The following EPHA3 variants were observed in gnomAD, a reference collection of about 807,000 sequenced individuals.
EPHA3 encodes the protein EPH receptor A3, also known as ephrin type-A receptor 3.
In EPHA3, 42 loss-of-function variants were observed where a neutral mutation model predicts 107.1. That is an observed-to-expected ratio of 0.39 (90% CI 0.31 to 0.51). The LOEUF (loss-of-function observed/expected upper bound fraction) is 0.51, where lower values mean the gene tolerates loss of function less well. Ranked by LOEUF, EPHA3 falls within the 20% of genes least tolerant of loss-of-function variation. EPHA3 has a pLI of 0.78. For synonymous variants in EPHA3, 461 were observed against 424.8 expected (o/e 1.09, Z -1.05); for missense variants, 1,183 against 1,211.2 (o/e 0.98, Z 0.35).
At chr3:89,161,564 G>C (rs1273038888) in intron 2 of EPHA3, among the ~76,000 whole-genome samples, 1 of 151,972 alleles carries the variant, frequency 6.6e-6, no homozygotes, top group Non-Finnish European at 1.5e-5. Context: ...GATATACCAT[G>C]ATTTATTTAA....
chr3:89,119,208 T>C (rs1707322580), intron 1 of EPHA3, among the ~76,000 whole-genome samples: 1 of 152,110 alleles, frequency 6.6e-6, no homozygotes, highest in Non-Finnish European at 1.5e-5. Flanking sequence ...TTCTTTACAT[T>C]ACATGTGAGT....
intron 5 of EPHA3, among the ~76,000 whole-genome samples, chr3:89,370,163 A>T (rs1473223316): frequency 6.6e-6 from 1 of 150,946 alleles, no homozygotes; most frequent in Non-Finnish European, 1.5e-5. Flanking sequence ...CTGGGTATAT[A>T]CCCAAAGGAC....
intron 5 of EPHA3, among the ~76,000 whole-genome samples, chr3:89,387,297 A>G (rs1359273105): frequency 1.3e-5 from 2 of 152,152 alleles, no homozygotes; most frequent in Non-Finnish European, 2.9e-5. Flanking sequence ...GGGGACAGTT[A>G]CACTCATGCC....
At chr3:89,296,749 C>T (rs1706363118) in intron 3 of EPHA3, among the ~76,000 whole-genome samples, 1 of 152,172 alleles carries the variant, frequency 6.6e-6, no homozygotes, top group Non-Finnish European at 1.5e-5. Context: ...TCCTCTTTAG[C>T]TGTGAAAGTC....
chr3:89,200,407 C>T (rs1705942871), intron 2 of EPHA3, among the ~76,000 whole-genome samples: 1 of 152,160 alleles, frequency 6.6e-6, no homozygotes, highest in African/African-American at 2.4e-5. Flanking sequence ...GAAAAAAGAG[C>T]ATCTCTTTAT....
At chr3:89,265,753 A>G (rs1430393671) in intron 3 of EPHA3, among the ~76,000 whole-genome samples, 1 of 152,132 alleles carries the variant, frequency 6.6e-6, no homozygotes, top group African/African-American at 2.4e-5. Flanking sequence ...TCATGTGGAC[A>G]TTATGAAATT....
chr3:89,454,890 A>G (rs1411144066), intron 15 of EPHA3, among the ~76,000 whole-genome samples: 5 of 152,070 alleles, frequency 3.3e-5, no homozygotes. Context: ...GCTACTCAGG[A>G]GGCTGTAGCA....
At chr3:89,316,444 A>G (rs1051345586) in intron 3 of EPHA3, among the ~76,000 whole-genome samples, 4 of 149,418 alleles carry the variant, frequency 2.7e-5, no homozygotes, top group Admixed American at 1.4e-4. Flanking sequence ...CTGGTACAAT[A>G]CAGAGGTCTT....
chr3:89,346,493 G>T (rs1217879160), intron 5 of EPHA3, among the ~76,000 whole-genome samples: 6 of 145,162 alleles, frequency 4.1e-5, no homozygotes, highest in African/African-American at 1.5e-4. Context: ...AATTTGTTTG[G>T]GTTCATTGTA....
At chr3:89,179,575 G>A (rs899353995) in intron 2 of EPHA3, among the ~76,000 whole-genome samples, 3 of 151,606 alleles carry the variant, frequency 2.0e-5, no homozygotes, top group African/African-American at 7.3e-5. Flanking sequence ...TTGGGGCAGA[G>A]CAGGGAACTG....
At chr3:89,127,414 T>A in intron 2 of EPHA3, 141 bp downstream of exon 2, 1 of 567,804 alleles carries the variant, frequency 1.8e-6, no homozygotes, top group Non-Finnish European at 3.0e-6. Flanking sequence ...ATATATGGAG[T>A]ACCACAGCTT....
At chr3:89,450,845 G>T (rs1390398908) in intron 15 of EPHA3, among the ~76,000 whole-genome samples, 3 of 152,104 alleles carry the variant, frequency 2.0e-5, no homozygotes, top group Non-Finnish European at 4.4e-5. Context: ...GGCAGAGGTT[G>T]CAACGAGCTG....
chr3:89,431,169 C>G lies in EPHA3; in HGVS notation c.2156C>G (p.Thr719Ser), dbSNP rs2107536720. The change falls in exon 13 of 17, where the codon ACT (threonine) becomes AGT (serine). Residue 719 changes from threonine to serine, a missense_variant. Physicochemically the swap from Thr to Ser is moderately conservative, Grantham distance 58. Coordinates refer to ENST00000336596, the MANE Select transcript of EPHA3 (RefSeq NM_005233.6). ...SFLRKHDAQF[T>S]VIQLVGMLRG... ...TCCCAGAAACACGATGCCCAGTTTA[C>G]TGTCATTCAGCTAGTGGGGATGCTT... The G allele has an allele frequency of 6.2e-7, 1 of 1,613,798 alleles. No individual in the cohort carries two copies. Among genetic ancestry groups the G allele is most frequent in the Non-Finnish European group, 8.5e-7 (1 of 1,179,890 alleles).
intron 3 of EPHA3, among the ~76,000 whole-genome samples, chr3:89,244,901 A>G (rs1704996360): frequency 6.6e-6 from 1 of 152,218 alleles, no homozygotes; most frequent in Non-Finnish European, 1.5e-5. Context: ...AATTGAGCAG[A>G]TTGTTCTGGG....
intron 1 of EPHA3, among the ~76,000 whole-genome samples, chr3:89,110,168 T>A (rs1707069614): frequency 6.6e-6 from 1 of 152,064 alleles, no homozygotes; most frequent in East Asian, 1.9e-4. Context: ...AAATATGAAA[T>A]ACTAGACTGT....
chr3:89,340,076 G>T (rs1707483153), intron 3 of EPHA3, among the ~76,000 whole-genome samples: 1 of 152,148 alleles, frequency 6.6e-6, no homozygotes, highest in African/African-American at 2.4e-5. Flanking sequence ...TAATATAGTA[G>T]AGGCAGTTTT....
At chr3:89,441,885 A>G (rs1374393508) in intron 13 of EPHA3, among the ~76,000 whole-genome samples, 1 of 152,158 alleles carries the variant, frequency 6.6e-6, no homozygotes, top group Non-Finnish European at 1.5e-5. Context: ...GTTAAAATTT[A>G]TTGCCCCAGC....
chr3:89,235,745 T>C (rs991999247), intron 3 of EPHA3, among the ~76,000 whole-genome samples: 4 of 152,006 alleles, frequency 2.6e-5, no homozygotes, highest in African/African-American at 9.6e-5. Flanking sequence ...TGCTGAATTC[T>C]TAACACCACA....
At chr3:89,448,365 C>T (rs558088002) in intron 13 of EPHA3, among the ~76,000 whole-genome samples, 18 of 152,204 alleles carry the variant, frequency 1.2e-4, no homozygotes, top group South Asian at 6.2e-4. Context: ...CATTATTACT[C>T]CTGTTTGCCT....
Sources: gnomAD v4.1 joint callset for allele counts (sites outside exome capture counted in the v4.1 genomes callset) on GRCh38, gnomAD v4.1.1 for gene constraint, MANE v1.5 for transcripts, NCBI Gene and HGNC (gene_info 2026-07-23, HGNC 2026-07-21) for gene names.